GPR158: variants seen among roughly 807,000 people sequenced by gnomAD.
GPR158 encodes the protein G protein-coupled receptor 158.
In GPR158, 30 loss-of-function variants were observed where a neutral mutation model predicts 78.2. That is an observed-to-expected ratio of 0.38 (90% CI 0.29 to 0.52). The LOEUF (loss-of-function observed/expected upper bound fraction) is 0.52. Ranked by LOEUF, GPR158 falls within the 20% of genes least tolerant of loss-of-function variation. The probability of loss-of-function intolerance (pLI) is 0.83; values close to 1 mark genes in which losing one functional copy is unlikely to be tolerated. For missense variants in GPR158, 1,463 were observed against 1,523.5 expected (o/e 0.96, Z 0.66); for synonymous variants, 581 against 591.1 (o/e 0.98, Z 0.25).
chr10:25,261,716 C>T (rs1001043444), intron 2 of GPR158, among the ~76,000 whole-genome samples: 2 of 152,120 alleles, frequency 1.3e-5, no homozygotes, highest in Admixed American at 1.3e-4. Context: ...CTCAGAGAAG[C>T]ACTCTGTTTT....
At chr10:25,291,912 T>A (rs72792076) in intron 2 of GPR158, among the ~76,000 whole-genome samples, 23,524 of 152,084 alleles carry the variant, frequency 0.15, 2,190 homozygotes, top group African/African-American at 0.25. Context: ...CAAATATTGA[T>A]ATCTGATGTT....
At chr10:25,248,974 A>G (rs1258713964) in intron 2 of GPR158, among the ~76,000 whole-genome samples, 133 of 149,900 alleles carry the variant, frequency 8.9e-4, no homozygotes, top group Middle Eastern at 3.4e-3. Context: ...ATTTGTTTGT[A>G]TCCTCTTTTA....
chr10:25,350,536 C>T (rs540162574), intron 2 of GPR158, among the ~76,000 whole-genome samples: 11 of 152,054 alleles, frequency 7.2e-5, no homozygotes, highest in East Asian at 3.9e-4. Context: ...GACTTAGCCC[C>T]GTTGGTCAGT....
chr10:25,460,398 C>T (rs374974717), intron 4 of GPR158, among the ~76,000 whole-genome samples: 2 of 152,020 alleles, frequency 1.3e-5, no homozygotes, highest in African/African-American at 2.4e-5. Flanking sequence ...GATGGGGTTT[C>T]GCCATATTGG....
chr10:25,431,250 A>G (rs1288884852), intron 4 of GPR158, among the ~76,000 whole-genome samples: 1 of 109,258 alleles, frequency 9.2e-6, no homozygotes. Flanking sequence ...CAAAAAACAC[A>G]TGAAAAAATG....
chr10:25,567,965 A>T (rs1180687997), intron 6 of GPR158, among the ~76,000 whole-genome samples: 1 of 152,232 alleles, frequency 6.6e-6, no homozygotes, highest in Non-Finnish European at 1.5e-5. Context: ...AAGATATTTA[A>T]GAGGTAGACA....
At chr10:25,434,218 G>C (rs1217521941) in intron 4 of GPR158, among the ~76,000 whole-genome samples, 2 of 152,024 alleles carry the variant, frequency 1.3e-5, no homozygotes, top group African/African-American at 2.4e-5. Context: ...ACTCCATCTG[G>C]TGGTAGCAAT....
chr10:25,257,187 A>G (rs1853899419), intron 2 of GPR158, among the ~76,000 whole-genome samples: 1 of 152,188 alleles, frequency 6.6e-6, no homozygotes, highest in Non-Finnish European at 1.5e-5. Flanking sequence ...TGAGACAGAG[A>G]AATGGGCTGA....
At chr10:25,455,888 C>G (rs1835284744) in intron 4 of GPR158, among the ~76,000 whole-genome samples, 1 of 152,102 alleles carries the variant, frequency 6.6e-6, no homozygotes, top group African/African-American at 2.4e-5. Flanking sequence ...TGTCCTTTGG[C>G]AGACAACTTT....
At chr10:25,572,311 T>C (rs1475477061) in intron 6 of GPR158, among the ~76,000 whole-genome samples, 1 of 152,198 alleles carries the variant, frequency 6.6e-6, no homozygotes, top group African/African-American at 2.4e-5. Context: ...TGAGCAATAC[T>C]GTTTCTGAAT....
At chr10:25,401,371 C>G (rs967475403) in intron 3 of GPR158, among the ~76,000 whole-genome samples, 1 of 151,972 alleles carries the variant, frequency 6.6e-6, no homozygotes, top group African/African-American at 2.4e-5. Context: ...ATCCAATTGC[C>G]GGTCTTATGT....
At chr10:25,341,853 C>CA (rs1035115670) in intron 2 of GPR158, among the ~76,000 whole-genome samples, 52 of 147,448 alleles carry the variant, frequency 3.5e-4, no homozygotes, top group Admixed American at 1.1e-3. Context: ...AAAACAAAAA[C>CA]AAAAAAAAAC....
At chr10:25,253,544 A>T (rs1179757968) in intron 2 of GPR158, among the ~76,000 whole-genome samples, 2 of 152,192 alleles carry the variant, frequency 1.3e-5, no homozygotes, top group East Asian at 3.9e-4. Context: ...ATTATTGGTA[A>T]TGTCATTCAG....
chr10:25,429,454 AGTTTCAAAT>A (rs1345225706), intron 4 of GPR158, among the ~76,000 whole-genome samples: 2 of 152,080 alleles, frequency 1.3e-5, no homozygotes, highest in Admixed American at 1.3e-4. Context: ...TCAAATTCAG[AGTTTCAAAT>A]GTTTATTTTT....
At chr10:25,445,256 T>C (rs1226805371) in intron 4 of GPR158, among the ~76,000 whole-genome samples, 1 of 152,156 alleles carries the variant, frequency 6.6e-6, no homozygotes, top group Non-Finnish European at 1.5e-5. Flanking sequence ...ATATTTGAAC[T>C]GCTTTAAAAG....
At chr10:25,322,427 C>T (rs1403836343) in intron 2 of GPR158, among the ~76,000 whole-genome samples, 1 of 152,042 alleles carries the variant, frequency 6.6e-6, no homozygotes, top group Non-Finnish European at 1.5e-5. Flanking sequence ...CTTGTGGACC[C>T]ATCCTTAGAT....
chr10:25,486,032 G>A (rs1160121397), intron 5 of GPR158, among the ~76,000 whole-genome samples: 1 of 152,082 alleles, frequency 6.6e-6, no homozygotes, highest in Non-Finnish European at 1.5e-5. Context: ...GAGGAAGTGA[G>A]CCCTTGTCAG....
At chr10:25,520,719 C>A (rs1290635548) in intron 5 of GPR158, among the ~76,000 whole-genome samples, 1 of 152,144 alleles carries the variant, frequency 6.6e-6, no homozygotes, top group Non-Finnish European at 1.5e-5. Flanking sequence ...CTTGAGGAGG[C>A]AGTCTGCCCG....
At chr10:25,302,760 T>C (rs964790762) in intron 2 of GPR158, among the ~76,000 whole-genome samples, 6 of 152,200 alleles carry the variant, frequency 3.9e-5, no homozygotes, top group African/African-American at 1.2e-4. Flanking sequence ...GTCAGTGCTA[T>C]CTAATAGAAC....
Sources: allele counts gnomAD v4.1 joint callset (sites outside exome capture counted in the v4.1 genomes callset), GRCh38; gene constraint gnomAD v4.1.1; transcripts MANE v1.5; gene names NCBI Gene and HGNC (gene_info 2026-07-23, HGNC 2026-07-21).